The following CFAP299 variants were observed in gnomAD, a reference collection of about 807,000 sequenced individuals.
CFAP299 encodes the protein cilia- and flagella-associated protein 299.
In CFAP299, 21 loss-of-function variants were observed where a neutral mutation model predicts 27.0. The observed-to-expected ratio is 0.78, with a 90% CI of 0.55 to 1.12. The LOEUF (loss-of-function observed/expected upper bound fraction) is 1.12. Ranked by LOEUF, CFAP299 falls within the 50% of genes most tolerant of loss-of-function variation. The pLI, the probability that CFAP299 is intolerant of heterozygous loss-of-function variation, is 0.00. For missense variants in CFAP299, 310 were observed against 276.6 expected, an observed-to-expected ratio of 1.12 and a Z score of -0.86; for synonymous variants, 104 against 98.1, an observed-to-expected ratio of 1.06 and a Z score of -0.36.
At chr4:80,664,639 A>G (rs1169818597) in intron 3 of CFAP299, among the ~76,000 whole-genome samples, 1 of 152,070 alleles carries the variant, frequency 6.6e-6, no homozygotes, top group Non-Finnish European at 1.5e-5. Context: ...CAAGAGTTTC[A>G]AGCCAGTGGA....
intron 5 of CFAP299, 128 bp downstream of exon 5, chr4:80,945,067 A>G (rs189134114): frequency 4.5e-6 from 4 of 880,984 alleles, no homozygotes; most frequent in Non-Finnish European, 7.2e-6. Flanking sequence ...TAACATTTTG[A>G]AACTTAGAGC....
rs139665564 is a variant in CFAP299 at position 80,946,745 on chromosome 4, A to G, written c.606+1806A>G. Among the ~76,000 whole-genome samples, 927 of 152,300 alleles carry G rather than the reference A, an allele frequency of 6.1e-3. 10 individuals carry two copies. Among genetic ancestry groups the G allele is most frequent in the African/African-American group, 0.021 (879 of 41,566 alleles). The stretch of plus-strand genomic sequence containing the variant: ...CTGTATTTATTATGAATCTATGAAT[A>G]CCAGAGTACTTTATCAACATACCTT... On this transcript the variant is annotated intron_variant, in intron 5 of 5. Transcript: ENST00000358105.
intron 3 of CFAP299, among the ~76,000 whole-genome samples, chr4:80,824,786 C>A (rs1319145513): frequency 6.6e-6 from 1 of 151,910 alleles, no homozygotes; most frequent in Non-Finnish European, 1.5e-5. Flanking sequence ...AAAAACAAAA[C>A]CCCTGGGAAA....
At chr4:80,853,375 C>A (rs896278985) in intron 3 of CFAP299, among the ~76,000 whole-genome samples, 2 of 152,058 alleles carry the variant, frequency 1.3e-5, no homozygotes, top group Non-Finnish European at 2.9e-5. Context: ...AAATAAGTAC[C>A]AAGATAGATA....
intron 3 of CFAP299, among the ~76,000 whole-genome samples, chr4:80,745,056 C>T (rs1724504817): frequency 6.6e-6 from 1 of 152,040 alleles, no homozygotes; most frequent in Admixed American, 6.6e-5. Flanking sequence ...TTGTTACACA[C>T]AGAATAAAGA....
chr4:80,924,536 G>GTGTGTA (rs1736206890), intron 4 of CFAP299, among the ~76,000 whole-genome samples: 1 of 130,952 alleles, frequency 7.6e-6, no homozygotes, highest in Non-Finnish European at 1.5e-5. Flanking sequence ...GTGTGTGTGT[G>GTGTGTA]TGTATATATA....
chr4:80,899,205 A>C (rs1425935788), intron 4 of CFAP299, among the ~76,000 whole-genome samples: 2 of 152,228 alleles, frequency 1.3e-5, no homozygotes, highest in African/African-American at 4.8e-5. Flanking sequence ...TCACTGGCAC[A>C]TAGCATATGC....
intron 2 of CFAP299, among the ~76,000 whole-genome samples, chr4:80,472,387 A>C (rs1578483832): frequency 6.6e-6 from 1 of 152,176 alleles, no homozygotes. Context: ...TTTTAATAAA[A>C]ACTTTGACGC....
In CFAP299 at chr4:80,799,320, A is replaced by C. The variant is rs1262464320; in HGVS notation, c.334-70673A>C. Among the ~76,000 whole-genome samples the C allele has an allele frequency of 8.0e-5, 8 of 99,740 alleles. No homozygotes were observed. The East Asian group carries it at 2.0e-3, about 25-fold the overall frequency. 65.4% of individuals were successfully genotyped at this position (99,740 alleles called of 152,430 possible). On this transcript the variant is annotated intron_variant, in intron 3 of 5. Transcript: ENST00000358105. ...ATTTATATAATATTTATATATATAA[A>C]TATATTTATATAATATTTATATATA...
chr4:80,927,026 C>A (rs1266162626), intron 4 of CFAP299, among the ~76,000 whole-genome samples: 1 of 152,004 alleles, frequency 6.6e-6, no homozygotes, highest in Non-Finnish European at 1.5e-5. Context: ...CAGGATAAAC[C>A]AGCACATATT....
At chr4:80,891,141 T>C (rs1734252194) in intron 4 of CFAP299, among the ~76,000 whole-genome samples, 1 of 149,622 alleles carries the variant, frequency 6.7e-6, no homozygotes, top group South Asian at 2.2e-4. Flanking sequence ...TGCCCACGCC[T>C]ATGTCCTGAA....
At chr4:80,528,787 A>G (rs1282736461) in intron 2 of CFAP299, among the ~76,000 whole-genome samples, 2 of 152,022 alleles carry the variant, frequency 1.3e-5, no homozygotes, top group Non-Finnish European at 2.9e-5. Context: ...TCTCCCTCTA[A>G]TATTTAAATT....
intron 3 of CFAP299, among the ~76,000 whole-genome samples, chr4:80,792,003 T>C (rs1298208336): frequency 6.6e-6 from 1 of 151,828 alleles, no homozygotes; most frequent in African/African-American, 2.4e-5. Flanking sequence ...AAAATACAAC[T>C]GAAATGAATA....
At chr4:80,481,329 C>G (rs1483553130) in intron 2 of CFAP299, among the ~76,000 whole-genome samples, 1 of 151,976 alleles carries the variant, frequency 6.6e-6, no homozygotes, top group Admixed American at 6.6e-5. Context: ...TAAAATCTCC[C>G]TAAATGCATA....
rs143566459 is a variant in CFAP299, at chr4:80,424,516, A to G, written c.242+61632A>G. ...GAGGCAGCTTCTCAAAGATGATGTAATCAATATGAAAGAACTGAAATTAGG... is the reference window on the plus strand; with the variant it reads ...GAGGCAGCTTCTCAAAGATGATGTAGTCAATATGAAAGAACTGAAATTAGG... On this transcript the variant is annotated intron_variant, in intron 2 of 5. Transcript: ENST00000358105. Among the ~76,000 whole-genome samples, 5 of 152,336 alleles carry G rather than the reference A, an allele frequency of 3.3e-5. No individual in the cohort carries two copies. The East Asian group carries it at 9.6e-4, about 29-fold the overall frequency.
chr4:80,478,610 T>C lies in CFAP299; in HGVS notation c.243-104483T>C, dbSNP rs547779652. ...AGGGCCTGACATAATTTTTCAGTTC[T>C]AATAAATATGTATACCCAGTGAAAC... On this transcript the variant is annotated intron_variant, in intron 2 of 5. Coordinates refer to ENST00000358105, the MANE Select transcript of CFAP299 (RefSeq NM_152770.3). Among the ~76,000 whole-genome samples the C allele has an allele frequency of 6.0e-4, 91 of 152,130 alleles. 1 individual carries two copies. Among genetic ancestry groups the C allele is most frequent in the Non-Finnish European group, 1.1e-3 (76 of 68,000 alleles).
chr4:80,868,863 TC>T (rs1439857886), intron 3 of CFAP299, among the ~76,000 whole-genome samples: 1 of 151,654 alleles, frequency 6.6e-6, no homozygotes, highest in African/African-American at 2.4e-5. Context: ...GGGATATTTT[TC>T]TTTTTCTGTA....
intron 3 of CFAP299, among the ~76,000 whole-genome samples, chr4:80,796,732 C>A (rs2101698): frequency 2.0e-5 from 3 of 152,118 alleles, no homozygotes; most frequent in East Asian, 3.9e-4. Flanking sequence ...GTCAACACTC[C>A]TGCATCTTTC....
At position 80,868,076 on chromosome 4, in the gene CFAP299, A is replaced by G. The variant is rs75770097; in HGVS notation, c.334-1917A>G. ...ATCAATACATCTGCCCTCATTCTGG[A>G]AAATTCCAGAACATCACAACACTTT... On this transcript the variant is annotated intron_variant, in intron 3 of 5. Transcript: ENST00000358105. Among the ~76,000 whole-genome samples the G allele has an allele frequency of 3.7e-3, 557 of 152,266 alleles. 3 individuals are homozygous for G. The highest frequency in any genetic ancestry group is 0.013 in the African/African-American group (542 of 41,554).
Sources: allele counts gnomAD v4.1 joint callset (sites outside exome capture counted in the v4.1 genomes callset), GRCh38; gene constraint gnomAD v4.1.1; transcripts MANE v1.5; gene names NCBI Gene and HGNC (gene_info 2026-07-23, HGNC 2026-07-21).